PTTG1IP: variants seen among roughly 807,000 people sequenced by gnomAD.
PTTG1IP encodes the protein pituitary tumor-transforming gene 1 protein-interacting protein.
Under a neutral mutation model 24.4 loss-of-function variants are expected in PTTG1IP, and 16 were observed. The ratio of observed to expected loss-of-function variants is 0.66; its 90% CI spans 0.44 to 1.00. The LOEUF is 1.00. Among genes scored for constraint, PTTG1IP ranks in the 50% least tolerant of loss-of-function variants. The pLI, the probability that PTTG1IP is intolerant of heterozygous loss-of-function variation, is 0.00. For missense variants in PTTG1IP, 241 were observed against 245.8 expected (o/e 0.98, Z 0.13); for synonymous variants, 89 against 96.8 (o/e 0.92, Z 0.47).
At chr21:44,863,352 C>CT (rs1295813671) in intron 2 of PTTG1IP, among the ~76,000 whole-genome samples, 1 of 151,540 alleles carries the variant, frequency 6.6e-6, no homozygotes, top group Non-Finnish European at 1.5e-5. Flanking sequence ...CGCAGGTCCT[C>CT]TTGAGACCTC....
rs759104196 is a variant in PTTG1IP, at chr21:44,855,211, A to G, written c.495T>C (p.Tyr165=). ...AAAGGAGGCGTGACCAGTCCTTACCATATTTTTTTCTGATTTCATCATGTC... is the reference window on the plus strand; with the variant it reads ...AAAGGAGGCGTGACCAGTCCTTACCGTATTTTTTTCTGATTTCATCATGTC... ...KTRHDEIRKK[Y]GLFKEENPYA... The change falls in exon 5 of 6, where the codon TAT becomes TAC. Residue 165 remains tyrosine, a splice_region_variant and synonymous_variant. Transcript: ENST00000330938. The G allele has an allele frequency of 5.6e-6, 9 of 1,610,010 alleles. No homozygotes were observed. The highest frequency in any genetic ancestry group is 7.6e-6 in the Non-Finnish European group (9 of 1,176,474).
At chr21:44,854,041 C>T (rs2083430534) in intron 5 of PTTG1IP, among the ~76,000 whole-genome samples, 1 of 152,166 alleles carries the variant, frequency 6.6e-6, no homozygotes, top group Non-Finnish European at 1.5e-5. Context: ...CGTTTACAGT[C>T]CAGGGCACCA....
chr21:44,869,392 T>C (rs1390755893), intron 1 of PTTG1IP, among the ~76,000 whole-genome samples: 1 of 152,256 alleles, frequency 6.6e-6, no homozygotes, highest in African/African-American at 2.4e-5. Flanking sequence ...AGGGTCACAA[T>C]AGTAACTTAC....
chr21:44,867,031 G>T (rs994354847), intron 1 of PTTG1IP, among the ~76,000 whole-genome samples: 1 of 152,220 alleles, frequency 6.6e-6, no homozygotes, highest in Non-Finnish European at 1.5e-5. Context: ...GCGCAGGAAG[G>T]CTCCGTGACA....
chr21:44,870,393 T>C (rs953815085), intron 1 of PTTG1IP, among the ~76,000 whole-genome samples: 14 of 151,484 alleles, frequency 9.2e-5, no homozygotes, highest in Non-Finnish European at 1.3e-4. Context: ...ATACGAAAAT[T>C]AGCCGGGTGT....
In PTTG1IP at chr21:44,861,225, G is replaced by A; in HGVS notation, c.215C>T (p.Thr72Ile). The A allele has an allele frequency of 6.2e-7, 1 of 1,614,148 alleles. No individual in the cohort carries two copies. Among genetic ancestry groups the A allele is most frequent in the Non-Finnish European group, 8.5e-7 (1 of 1,179,990 alleles). ...TNKACLDYPV[T>I]SVLPPASLCK... ...AAGGGAAGCCGGTGGCAAGACGCTT[G>A]TAACTGGGTAGTCCAGACAAGCCTT... Residue 72 changes from threonine to isoleucine, a missense_variant, in exon 3 of 6, where the codon ACA becomes ATA. Coordinates refer to ENST00000330938, the MANE Select transcript of PTTG1IP (RefSeq NM_004339.4).
In PTTG1IP at chr21:44,849,620, G is replaced by T. The variant is rs1054028058; in HGVS notation, c.*1961C>A. On this transcript the variant is annotated 3_prime_UTR_variant, in exon 6 of 6. Transcript: ENST00000330938. ...ACGCAGGTAGTAAACCGTTTTATTG[G>T]AAACTGGTTAAAAATTAAGGCACTC... 1.3e-5 allele frequency: 2 copies of T among 152,616 alleles called. No individual in the cohort carries two copies. Among genetic ancestry groups the T allele is most frequent in the African/African-American group, 4.8e-5 (2 of 41,450 alleles). The allele number at this position is 152,616 out of a possible 1,614,324, so 9.5% of individuals were successfully genotyped here. A position where few individuals can be genotyped will look rare whatever the true frequency, so the allele number is the denominator to read the frequency against.
Position 44,851,084 on chromosome 21 carries a change from C to G in PTTG1IP, c.*497G>C. 1 of 362,386 alleles carries G rather than the reference C, an allele frequency of 2.8e-6. No individual in the cohort carries two copies. The highest frequency in any genetic ancestry group is 5.1e-6 in the Non-Finnish European group (1 of 197,284). The allele number at this position is 362,386 out of a possible 1,614,324, so 22.4% of individuals were successfully genotyped here. A position where few individuals can be genotyped will look rare whatever the true frequency, so the allele number is the denominator to read the frequency against. On this transcript the variant is annotated 3_prime_UTR_variant, in exon 6 of 6. Transcript: ENST00000330938. ...CATCAGCAAAAGCCGTGTGAGTCAA[C>G]AGGTGTGAAGACTCAAGATGCGCAC...
rs2083400761 is a variant in PTTG1IP, at chr21:44,850,158, T to G, written c.*1423A>C. Reference sequence around the variant, plus strand: ...TCTGCCTGTGAACTTTAGTTCACGCTGAAGACAGTCTTCTCAGTTTTCATG... The same window carrying G: ...TCTGCCTGTGAACTTTAGTTCACGCGGAAGACAGTCTTCTCAGTTTTCATG... On this transcript the variant is annotated 3_prime_UTR_variant, in exon 6 of 6. Coordinates refer to ENST00000330938, the MANE Select transcript of PTTG1IP (RefSeq NM_004339.4). 1.3e-5 allele frequency: 2 copies of G among 152,358 alleles called. No individual in the cohort carries two copies. The highest frequency in any genetic ancestry group is 3.9e-4 in the East Asian group (2 of 5,194). The allele number at this position is 152,358 out of a possible 1,614,324, so 9.4% of individuals were successfully genotyped here. A position where few individuals can be genotyped will look rare whatever the true frequency, so the allele number is the denominator to read the frequency against.
At chr21:44,867,184 AAC>A (rs141096199) in intron 1 of PTTG1IP, among the ~76,000 whole-genome samples, 1 of 152,338 alleles carries the variant, frequency 6.6e-6, no homozygotes, top group East Asian at 1.9e-4. Flanking sequence ...AGGCATTCCA[AAC>A]ACAAAAGGCT....
At chr21:44,851,971 A>G (rs1438396862) in intron 5 of PTTG1IP, among the ~76,000 whole-genome samples, 5 of 152,188 alleles carry the variant, frequency 3.3e-5, no homozygotes, top group Admixed American at 6.5e-5. Context: ...AAATAACCTT[A>G]CTTTGTGCTT....
rs552264955 is a variant in PTTG1IP at position 44,856,628 on chromosome 21, A to G, written c.278-264T>C. Among the ~76,000 whole-genome samples, 3 of 152,308 alleles carry G rather than the reference A, an allele frequency of 2.0e-5. No homozygotes were observed. In the South Asian group the frequency reaches 6.2e-4, roughly 32 times the overall value. ...TTATTAACAATTTATAATATTAACCATAATGAACTGAAGTGACAGGGTAGT... is the reference window on the plus strand; with the variant it reads ...TTATTAACAATTTATAATATTAACCGTAATGAACTGAAGTGACAGGGTAGT... On this transcript the variant is annotated intron_variant, in intron 3 of 5. Coordinates refer to ENST00000330938, the MANE Select transcript of PTTG1IP (RefSeq NM_004339.4).
At chr21:44,870,814 AAAC>A (rs1007175583) in intron 1 of PTTG1IP, among the ~76,000 whole-genome samples, 13 of 152,244 alleles carry the variant, frequency 8.5e-5, no homozygotes, top group African/African-American at 2.7e-4. Context: ...TTAAAGGAAA[AAAC>A]AACAACAACA....
chr21:44,870,349 T>G (rs2146474466), intron 1 of PTTG1IP, among the ~76,000 whole-genome samples: 1 of 152,164 alleles, frequency 6.6e-6, no homozygotes, highest in African/African-American at 2.4e-5. Flanking sequence ...GAGACCGGCC[T>G]GGCCGACATG....
Position 44,865,378 on chromosome 21 carries a change from G to T in PTTG1IP, c.168+17C>A, listed in dbSNP as rs768160683. 3 of 1,613,404 alleles carry T rather than the reference G, an allele frequency of 1.9e-6. No individual in the cohort carries two copies. Among genetic ancestry groups the T allele is most frequent in the South Asian group, 2.2e-5 (2 of 91,070 alleles). On this transcript the variant is annotated intron_variant, in intron 2 of 5. Coordinates refer to ENST00000330938, the MANE Select transcript of PTTG1IP (RefSeq NM_004339.4). Reference sequence around the variant, plus strand: ...GGTCTGGACGGCACTCTGGTCTCTAGTCCACGTGCTACTTACGGAGACGTT... The same window carrying T: ...GGTCTGGACGGCACTCTGGTCTCTATTCCACGTGCTACTTACGGAGACGTT...
At position 44,851,533 on chromosome 21, in the gene PTTG1IP, G is replaced by C. The variant is rs370553681; in HGVS notation, c.*48C>G. On this transcript the variant is annotated 3_prime_UTR_variant, in exon 6 of 6. Coordinates refer to ENST00000330938, the MANE Select transcript of PTTG1IP (RefSeq NM_004339.4). ...TGGTCTCCCGGCTGGGCTGGGCTGCGGAGCGTGCACCTCACAGGAAGCGTC... is the reference window on the plus strand; with the variant it reads ...TGGTCTCCCGGCTGGGCTGGGCTGCCGAGCGTGCACCTCACAGGAAGCGTC... 6.2e-7 allele frequency: 1 copy of C among 1,613,876 alleles called. No individual in the cohort carries two copies. Among genetic ancestry groups the C allele is most frequent in the African/African-American group, 1.3e-5 (1 of 74,936 alleles).
chr21:44,860,238 G>T (rs1483179497), intron 3 of PTTG1IP, among the ~76,000 whole-genome samples: 1 of 152,076 alleles, frequency 6.6e-6, no homozygotes, highest in Non-Finnish European at 1.5e-5. Context: ...ACGTGGTGGC[G>T]GGCACCTGTA....
In PTTG1IP at chr21:44,851,213, T is replaced by C. The variant is rs2083407783; in HGVS notation, c.*368A>G. On this transcript the variant is annotated 3_prime_UTR_variant, in exon 6 of 6. Coordinates refer to ENST00000330938, the MANE Select transcript of PTTG1IP (RefSeq NM_004339.4). ...CTGTGTTGCGTGTGAAGCTTGTTAG[T>C]GGACAGAGAGAAACGCAGGGTTCTG... 2.1e-6 allele frequency: 2 copies of C among 968,050 alleles called. No homozygotes were observed. The highest frequency in any genetic ancestry group is 1.7e-5 in the African/African-American group (1 of 60,486). The allele number at this position is 968,050 out of a possible 1,614,324, so 60.0% of individuals were successfully genotyped here. A position where few individuals can be genotyped will look rare whatever the true frequency, so the allele number is the denominator to read the frequency against.
intron 5 of PTTG1IP, among the ~76,000 whole-genome samples, chr21:44,853,163 C>T (rs952088586): frequency 4.6e-5 from 7 of 151,918 alleles, no homozygotes; most frequent in African/African-American, 1.5e-4. Flanking sequence ...GCAGTGTGTG[C>T]GTGTGTGCGC....
Sources: allele counts gnomAD v4.1 joint callset (sites outside exome capture counted in the v4.1 genomes callset), GRCh38; gene constraint gnomAD v4.1.1; transcripts MANE v1.5; gene names NCBI Gene and HGNC (gene_info 2026-07-23, HGNC 2026-07-21).